The following DIPK2B variants were observed in gnomAD, a reference collection of about 807,000 sequenced individuals.
DIPK2B encodes divergent protein kinase domain 2B, also known as UPF0672 protein CXorf36.
A neutral mutation model predicts 22.2 loss-of-function variants in DIPK2B; 15 were observed. The observed-to-expected ratio is 0.68, with a 90% CI of 0.45 to 1.04. DIPK2B has a LOEUF of 1.04. Ranked by LOEUF, DIPK2B falls within the 50% of genes least tolerant of loss-of-function variation. The pLI is 0.00. For missense variants in DIPK2B, 345 were observed against 348.3 expected, an observed-to-expected ratio of 0.99 and a Z score of 0.08; for synonymous variants, 163 against 153.2, an observed-to-expected ratio of 1.06 and a Z score of -0.47.
chrX:45,172,141 T>C (rs1265185738), intron 2 of DIPK2B, among the ~76,000 whole-genome samples: 2 of 112,171 alleles, frequency 1.8e-5, no homozygotes, highest in Non-Finnish European at 3.8e-5. Flanking sequence ...TGGAGCCAGA[T>C]AGGAACTTAC....
intron 2 of DIPK2B, among the ~76,000 whole-genome samples, chrX:45,166,237 C>T (rs1228137345): frequency 9.0e-6 from 1 of 111,434 alleles, no homozygotes; most frequent in Non-Finnish European, 1.9e-5. Context: ...GATGCATGGT[C>T]GCTGGATGCC....
intron 1 of DIPK2B, among the ~76,000 whole-genome samples, chrX:45,198,505 A>G (rs1224984186): frequency 9.0e-6 from 1 of 111,005 alleles, no homozygotes; most frequent in African/African-American, 3.3e-5. Context: ...TTTCACGGGC[A>G]CATGGAACAT....
At chrX:45,162,826 C>A (rs902126434) in intron 2 of DIPK2B, 69 of 752,594 alleles carry the variant, frequency 9.2e-5, no homozygotes, top group Non-Finnish European at 2.2e-5. Context: ...GCCAGCCAAC[C>A]AGTCAATGTC....
chrX:45,179,309 A>T (rs2047136120), intron 2 of DIPK2B, among the ~76,000 whole-genome samples: 1 of 111,361 alleles, frequency 9.0e-6, no homozygotes, highest in Non-Finnish European at 1.9e-5. Flanking sequence ...TTAAAGGAAG[A>T]TGACATAATT....
chrX:45,173,533 C>CTTTCTTTCTTCTTTCTTT (rs1191186323), intron 2 of DIPK2B, among the ~76,000 whole-genome samples: 1 of 74,158 alleles, frequency 1.3e-5, no homozygotes, highest in East Asian at 7.4e-4. Flanking sequence ...TTCTTTCTTC[C>CTTTCTTTCTTCTTTCTTT]TTTCTTTCTT....
chrX:45,164,100 A>G, intron 2 of DIPK2B: 3 of 1,069,479 alleles, frequency 2.8e-6, no homozygotes, highest in Non-Finnish European at 1.2e-6. Flanking sequence ...TTTAATGATT[A>G]CTATTTGAAA....
rs1420176806 is a variant in DIPK2B, at chrX:45,157,716, T to C, written c.671A>G (p.Gln224Arg). The change falls in exon 3 of 5, where the codon CAG becomes CGG. Residue 224 changes from glutamine to arginine, a missense_variant and splice_region_variant. Coordinates refer to ENST00000398000, the MANE Select transcript of DIPK2B (RefSeq NM_176819.4). ...AGGGCTTGCCAGGTCGCTGCATACC[T>C]GTAGGAGGATGGGGTGCGAGTTGAC... ...LAVNSHPILL[Q>R]IFPGAEGWPL... 3 of 1,190,152 alleles carry C rather than the reference T, an allele frequency of 2.5e-6. No homozygotes were observed. The Admixed American group carries it at 6.9e-5, about 27-fold the overall frequency.
chrX:45,171,541 T>C (rs2148340690), intron 2 of DIPK2B, among the ~76,000 whole-genome samples: 1 of 111,014 alleles, frequency 9.0e-6, no homozygotes, highest in East Asian at 2.8e-4. Flanking sequence ...GCCCTCACCC[T>C]ACCCACTGCT....
intron 2 of DIPK2B, chrX:45,162,287 A>G: frequency 4.9e-6 from 3 of 614,300 alleles, no homozygotes; most frequent in Non-Finnish European, 3.9e-6. Flanking sequence ...TTGCATATTC[A>G]TAAGCAAAAT....
At chrX:45,155,431 A>AGATATAT (rs34203440) in intron 3 of DIPK2B, among the ~76,000 whole-genome samples, 1 of 96,413 alleles carries the variant, frequency 1.0e-5, no homozygotes, top group African/African-American at 3.7e-5. Context: ...TCAAAAAAAA[A>AGATATAT]ATATATATAT....
At chrX:45,183,873 T>C (rs1024452625) in intron 2 of DIPK2B, among the ~76,000 whole-genome samples, 1 of 111,992 alleles carries the variant, frequency 8.9e-6, no homozygotes, top group Non-Finnish European at 1.9e-5. Context: ...CCTGTTCTGG[T>C]TAACATTTTT....
At chrX:45,186,804 G>C (rs2047185142) in intron 2 of DIPK2B, among the ~76,000 whole-genome samples, 1 of 112,070 alleles carries the variant, frequency 8.9e-6, no homozygotes, top group Non-Finnish European at 1.9e-5. Flanking sequence ...TCATCTCCCA[G>C]AGTGCAAAGA....
chrX:45,149,013 G>T lies in DIPK2B; in HGVS notation c.*2639C>A, dbSNP rs764561495. The stretch of plus-strand genomic sequence containing the variant: ...AGGAATGTTGCTCAGAATTTCAGGC[G>T]ACTGGTCTGGAGGAGAGAAGGGGGC... On this transcript the variant is annotated 3_prime_UTR_variant, in exon 5 of 5. Coordinates refer to ENST00000398000, the MANE Select transcript of DIPK2B (RefSeq NM_176819.4). 1 of 111,861 alleles carries T rather than the reference G, an allele frequency of 8.9e-6. No individual in the cohort carries two copies. Among genetic ancestry groups the T allele is most frequent in the African/African-American group, 3.2e-5 (1 of 30,786 alleles). 9.2% of individuals were successfully genotyped at this position (111,861 alleles called of 1,213,427 possible). A position where few individuals can be genotyped will look rare whatever the true frequency, so the allele number is the denominator to read the frequency against.
rs1325600389 is a variant in DIPK2B, at chrX:45,151,838, C to T, written c.1116G>A (p.Gly372=). 8.3e-7 allele frequency: 1 copy of T among 1,210,427 alleles called. No individual in the cohort carries two copies. Among genetic ancestry groups the T allele is most frequent in the Admixed American group, 2.2e-5 (1 of 45,877 alleles). ...CGTCTTGCACTGGGGAGGGGAACCT[C>T]CCCTGGAGAAGTCGAGGCAGCAACT... ...CQKLLPRLLQ[G]RFPSPVQDDI... The change falls in exon 5 of 5, where the codon GGG becomes GGA. Residue 372 remains glycine (G), a synonymous_variant. Coordinates refer to ENST00000398000, the MANE Select transcript of DIPK2B (RefSeq NM_176819.4).
chrX:45,168,947 G>A (rs1244100523), intron 2 of DIPK2B, among the ~76,000 whole-genome samples: 3 of 112,070 alleles, frequency 2.7e-5, no homozygotes, highest in Non-Finnish European at 5.6e-5. Flanking sequence ...TCCCAGTTCT[G>A]TCACTTAACG....
intron 2 of DIPK2B, among the ~76,000 whole-genome samples, chrX:45,168,511 C>T (rs2148339206): frequency 8.9e-6 from 1 of 112,493 alleles, no homozygotes; most frequent in Admixed American, 9.3e-5. Flanking sequence ...GGTCTCCTAA[C>T]TCCGGGTGAC....
intron 2 of DIPK2B, among the ~76,000 whole-genome samples, chrX:45,180,953 G>C (rs1039181963): frequency 3.6e-5 from 4 of 111,939 alleles, no homozygotes; most frequent in Non-Finnish European, 7.5e-5. Context: ...ATACTCACCT[G>C]TTTTCAGACT....
Position 45,149,724 on chromosome X carries a change from G to C in DIPK2B, c.*1928C>G, listed in dbSNP as rs2046950754. The C allele has an allele frequency of 8.9e-6, 1 of 111,945 alleles. No homozygotes were observed. The highest frequency in any genetic ancestry group is 9.5e-5 in the Admixed American group (1 of 10,564). 9.2% of individuals were successfully genotyped at this position (111,945 alleles called of 1,213,427 possible). A position where few individuals can be genotyped will look rare whatever the true frequency, so the allele number is the denominator to read the frequency against. On this transcript the variant is annotated 3_prime_UTR_variant, in exon 5 of 5. Coordinates refer to ENST00000398000, the MANE Select transcript of DIPK2B (RefSeq NM_176819.4). ...TGACAGTCTTGCTGAACCTTTCTTCGATTTTGAGCTTAGCAAGCTCCTACT... is the reference window on the plus strand; with the variant it reads ...TGACAGTCTTGCTGAACCTTTCTTCCATTTTGAGCTTAGCAAGCTCCTACT...
At chrX:45,167,107 G>T (rs1276955747) in intron 2 of DIPK2B, among the ~76,000 whole-genome samples, 2 of 112,449 alleles carry the variant, frequency 1.8e-5, no homozygotes, top group African/African-American at 3.2e-5. Context: ...TGTCTCAGCT[G>T]TGGATAATTA....
Sources: allele counts gnomAD v4.1 joint callset (sites outside exome capture counted in the v4.1 genomes callset), GRCh38; gene constraint gnomAD v4.1.1; transcripts MANE v1.5; gene names NCBI Gene and HGNC (gene_info 2026-07-23, HGNC 2026-07-21).